ADAM7: variants seen among roughly 807,000 people sequenced by gnomAD.
The protein encoded by ADAM7 is ADAM metallopeptidase domain 7.
In ADAM7, 97 loss-of-function variants were observed where a neutral mutation model predicts 102.9. That is an observed-to-expected ratio of 0.94 (90% CI 0.80 to 1.12). The LOEUF is 1.12. Ranked by LOEUF, ADAM7 falls within the 50% of genes most tolerant of loss-of-function variation. The pLI is 0.00. For missense variants in ADAM7, 991 were observed against 908.7 expected, an observed-to-expected ratio of 1.09 and a Z score of -1.16; for synonymous variants, 334 against 304.4, an observed-to-expected ratio of 1.10 and a Z score of -1.01.
At chr8:24,446,080 T>C (rs867427723) in intron 2 of ADAM7, among the ~76,000 whole-genome samples, 2 of 152,236 alleles carry the variant, frequency 1.3e-5, no homozygotes, top group Non-Finnish European at 2.9e-5. Context: ...ATATTATCTC[T>C]GTGCCTGAAA....
rs1819730574 is a variant in ADAM7 at position 24,475,276 on chromosome 8, ACAGTGAATTTTAGG to A, written c.634-1145_634-1132del. ...CTAAAATAGCTTCAGAATATTCTCC[ACAGTGAATTTTAGG>A]CAGTGAATTTTGGGTAATTTTTATC... On this transcript the variant is annotated intron_variant, in intron 7 of 21. Coordinates refer to ENST00000175238, the MANE Select transcript of ADAM7 (RefSeq NM_003817.4). Among the ~76,000 whole-genome samples, 3 of 152,322 alleles carry A rather than the reference ACAGTGAATTTTAGG, an allele frequency of 2.0e-5. No individual in the cohort carries two copies. In the South Asian group the frequency reaches 6.2e-4, roughly 32 times the overall value.
At position 24,508,619 on chromosome 8, in the gene ADAM7, T is replaced by G; in HGVS notation, c.*73T>G. The G allele has an allele frequency of 6.2e-7, 1 of 1,608,886 alleles. No homozygotes were observed. The highest frequency in any genetic ancestry group is 8.5e-7 in the Non-Finnish European group (1 of 1,177,050). On this transcript the variant is annotated 3_prime_UTR_variant, in exon 22 of 22. Transcript: ENST00000175238. Reference sequence around the variant, plus strand: ...TTCTGGATGCAACGTCTTTACAACCTTACCTAGATATCTGCTACTCACATT... The same window carrying G: ...TTCTGGATGCAACGTCTTTACAACCGTACCTAGATATCTGCTACTCACATT...
chr8:24,451,673 A>C (rs1472331929), intron 3 of ADAM7, among the ~76,000 whole-genome samples: 1 of 150,182 alleles, frequency 6.7e-6, no homozygotes, highest in Non-Finnish European at 1.5e-5. Context: ...GATTTTAGTT[A>C]TTTCTTGCCT....
chr8:24,488,942 G>T (rs140531198), intron 11 of ADAM7, among the ~76,000 whole-genome samples: 3 of 152,130 alleles, frequency 2.0e-5, no homozygotes, highest in Non-Finnish European at 2.9e-5. Context: ...GGAAGGATTT[G>T]CTGGAGGATC....
chr8:24,505,586 G>A (rs952879683), intron 20 of ADAM7, among the ~76,000 whole-genome samples: 2 of 152,174 alleles, frequency 1.3e-5, no homozygotes, highest in Middle Eastern at 3.4e-3. Flanking sequence ...GGGGAGGTCC[G>A]TCTTTGGCGT....
At chr8:24,481,450 T>C (rs1266717929) in intron 8 of ADAM7, among the ~76,000 whole-genome samples, 1 of 152,124 alleles carries the variant, frequency 6.6e-6, no homozygotes, top group African/African-American at 2.4e-5. Flanking sequence ...GTACTGACTA[T>C]TGTAGAATAT....
At position 24,489,240 on chromosome 8, in the gene ADAM7, C is replaced by T. The variant is rs1820252859; in HGVS notation, c.1173C>T (p.Leu391=). The T allele has an allele frequency of 5.0e-6, 8 of 1,613,566 alleles. No homozygotes were observed. The highest frequency in any genetic ancestry group is 1.3e-5 in the African/African-American group (1 of 74,900). ...YLKDYKPTCM[L]NIPFPYNFHD... ...AGGATTATAAGCCAACATGCATGCT[C>T]AACATTCCATTTCCTTACAATTTTC... is the stretch of plus-strand genomic sequence containing the variant. Residue 391 remains leucine (L), a synonymous_variant, in exon 12 of 22, where the codon CTC becomes CTT. Coordinates refer to ENST00000175238, the MANE Select transcript of ADAM7 (RefSeq NM_003817.4).
rs78804613 is a variant in ADAM7 at position 24,469,028 on chromosome 8, T to C, written c.633+208T>C. On this transcript the variant is annotated intron_variant, in intron 7 of 21. Transcript: ENST00000175238. ...ACCCAAAATAGAACACCCCTCCCCA[T>C]TAAGAACATATGGAAATGCTGAATG... Among the ~76,000 whole-genome samples, 300 of 152,198 alleles carry C rather than the reference T, an allele frequency of 2.0e-3. 8 individuals are homozygous for C. The East Asian group carries it at 0.051, about 26-fold the overall frequency.
rs1382170073 is a variant in ADAM7, at chr8:24,493,131, CAGA to C, written c.1749_1751del (p.Lys583del). ...CAAGACTTATCACCTTAAGGATCCC[CAGA>C]AGAATGCTACTGTCAAATGCAAAAC... On this transcript the variant is annotated inframe_deletion, in exon 16 of 22. Coordinates refer to ENST00000175238, the MANE Select transcript of ADAM7 (RefSeq NM_003817.4). 6.2e-7 allele frequency: 1 copy of C among 1,613,290 alleles called. No individual in the cohort carries two copies. Among genetic ancestry groups the C allele is most frequent in the African/African-American group, 1.3e-5 (1 of 74,876 alleles).
At chr8:24,494,880 C>A (rs1820501302) in intron 16 of ADAM7, among the ~76,000 whole-genome samples, 1 of 152,134 alleles carries the variant, frequency 6.6e-6, no homozygotes, top group African/African-American at 2.4e-5. Flanking sequence ...CCACTCCAAC[C>A]AAACAGCAGG....
rs1305653244 is a variant in ADAM7, at chr8:24,447,240, G to C, written c.211G>C (p.Val71Leu). 2 of 1,527,070 alleles carry C rather than the reference G, an allele frequency of 1.3e-6. No homozygotes were observed. The highest frequency in any genetic ancestry group is 1.8e-5 in the Admixed American group (1 of 54,940). 94.6% of individuals were successfully genotyped at this position (1,527,070 alleles called of 1,614,324 possible). The change falls in exon 3 of 22, where the codon GTC becomes CTC. Residue 71 changes from valine (V) to leucine (L), a missense_variant. Physicochemically the swap from Val to Leu is conservative, Grantham distance 32 (BLOSUM62 1). Transcript: ENST00000175238. Reference protein sequence around the residue: ...YEIKLNRKTLVLHLLRSREFL... With the variant: ...YEIKLNRKTLLLHLLRSREFL... ...AATAAAACTAAATAGAAAAACCTTA[G>C]TCCTTCATCTTCTAAGATCCAGGTA...
At chr8:24,473,256 T>C (rs1819664833) in intron 7 of ADAM7, among the ~76,000 whole-genome samples, 1 of 152,214 alleles carries the variant, frequency 6.6e-6, no homozygotes, top group African/African-American at 2.4e-5. Flanking sequence ...CTTTGTATTA[T>C]TTATCTACCA....
intron 1 of ADAM7, among the ~76,000 whole-genome samples, chr8:24,442,184 A>C (rs1818398666): frequency 6.6e-6 from 1 of 152,204 alleles, no homozygotes; most frequent in Admixed American, 6.5e-5. Context: ...AAAAAAATAA[A>C]TAAATGAAAC....
intron 20 of ADAM7, among the ~76,000 whole-genome samples, chr8:24,504,598 G>A: frequency 6.6e-6 from 1 of 152,144 alleles, no homozygotes; most frequent in African/African-American, 2.4e-5. Flanking sequence ...AGATGCAAGT[G>A]CCAATAAAAA....
At chr8:24,481,477 A>T (rs1176523857) in intron 8 of ADAM7, among the ~76,000 whole-genome samples, 1 of 152,164 alleles carries the variant, frequency 6.6e-6, no homozygotes, top group African/African-American at 2.4e-5. Context: ...GATACAACAC[A>T]TAGTCCTTTC....
chr8:24,492,096 A>G lies in ADAM7; in HGVS notation c.1550A>G (p.Asp517Gly), dbSNP rs555111666. 5.0e-6 allele frequency: 8 copies of G among 1,611,142 alleles called. No individual in the cohort carries two copies. In the South Asian group the frequency reaches 5.5e-5, roughly 11 times the overall value. ...GATCAGTGCTCTGAACTATTTGATG[A>G]TGGTGAGAGATAATCACAGTGAAGT... is the stretch of plus-strand genomic sequence containing the variant. ...REDQCSELFD[D>G]EAIESHDICY... The change falls in exon 14 of 22, where the codon GAT becomes GGT. Residue 517 changes from aspartate to glycine, a missense_variant and splice_region_variant. Coordinates refer to ENST00000175238, the MANE Select transcript of ADAM7 (RefSeq NM_003817.4).
At position 24,442,483 on chromosome 8, in the gene ADAM7, C is replaced by T; in HGVS notation, c.63C>T (p.Ile21=). The T allele has an allele frequency of 6.2e-7, 1 of 1,613,238 alleles. No individual in the cohort carries two copies. The highest frequency in any genetic ancestry group is 8.5e-7 in the Non-Finnish European group (1 of 1,179,266). Residue 21 remains isoleucine (I), a synonymous_variant, in exon 2 of 22, where the codon ATC becomes ATT. Transcript: ENST00000175238. ...LLIPQVKEKF[I]LGVEGQQLVR... Reference sequence around the variant, plus strand: ...TATGTTTCCTCGTAGAAAAGTTCATCCTTGGAGTAGAGGGTCAACAACTGG... The same window carrying T: ...TATGTTTCCTCGTAGAAAAGTTCATTCTTGGAGTAGAGGGTCAACAACTGG...
chr8:24,499,833 ACAT>A (rs1371891812), intron 17 of ADAM7, among the ~76,000 whole-genome samples: 204 of 147,520 alleles, frequency 1.4e-3, no homozygotes, highest in African/African-American at 4.7e-3. Context: ...CACACATCAC[ACAT>A]CACACACACA....
chr8:24,448,586 T>C (rs1344802920), intron 3 of ADAM7, among the ~76,000 whole-genome samples: 1 of 152,132 alleles, frequency 6.6e-6, no homozygotes, highest in Non-Finnish European at 1.5e-5. Flanking sequence ...CTTATTAATT[T>C]AGATTTCTAT....
Sources: gnomAD v4.1 joint callset for allele counts (sites outside exome capture counted in the v4.1 genomes callset) on GRCh38, gnomAD v4.1.1 for gene constraint, MANE v1.5 for transcripts, NCBI Gene and HGNC (gene_info 2026-07-23, HGNC 2026-07-21) for gene names.